NSUN2: variants seen among roughly 807,000 people sequenced by gnomAD.
NSUN2 encodes RNA cytosine C(5)-methyltransferase NSUN2.
Under a neutral mutation model 92.7 loss-of-function variants are expected in NSUN2, and 63 were observed. The observed-to-expected ratio is 0.68, with a 90% CI of 0.56 to 0.84. The LOEUF is 0.84. NSUN2 is among the 40% of genes least tolerant of loss of function. NSUN2 has a pLI of 0.00. For synonymous variants in NSUN2, 356 were observed against 348.3 expected, an observed-to-expected ratio of 1.02 and a Z score of -0.25; for missense variants, 989 against 964.9, an observed-to-expected ratio of 1.02 and a Z score of -0.33.
chr5:6,616,484 G>A (rs950981805), intron 9 of NSUN2, among the ~76,000 whole-genome samples: 1 of 152,178 alleles, frequency 6.6e-6, no homozygotes, highest in African/African-American at 2.4e-5. Context: ...GAACGGTGGT[G>A]TGAGGGGCAG....
At chr5:6,603,958 T>G in intron 17 of NSUN2, 180 bp downstream of exon 17, 1 of 589,548 alleles carries the variant, frequency 1.7e-6, no homozygotes, top group Non-Finnish European at 2.9e-6. Flanking sequence ...CAAGATGCCT[T>G]TGACCCTTAG....
intron 15 of NSUN2, 73 bp downstream of exon 15, chr5:6,605,200 T>G: frequency 4.2e-5 from 66 of 1,581,520 alleles, no homozygotes; most frequent in Non-Finnish European, 5.2e-5. Flanking sequence ...CTGCTCCAAA[T>G]GAAATCTAAG....
At chr5:6,621,024 A>G (rs945020196) in intron 6 of NSUN2, 8 of 152,232 alleles carry the variant, frequency 5.3e-5, no homozygotes, top group Admixed American at 1.3e-4. Flanking sequence ...CAATGTAAAA[A>G]AGAGGATTTC....
chr5:6,613,517 T>A (rs920211158), intron 9 of NSUN2, among the ~76,000 whole-genome samples: 3 of 152,150 alleles, frequency 2.0e-5, no homozygotes, highest in Non-Finnish European at 4.4e-5. Flanking sequence ...CTAAAATGAT[T>A]CCAAAATTTG....
At chr5:6,626,555 G>C (rs1737665221) in intron 3 of NSUN2, among the ~76,000 whole-genome samples, 1 of 152,074 alleles carries the variant, frequency 6.6e-6, no homozygotes, top group Non-Finnish European at 1.5e-5. Flanking sequence ...TGCCGTGTTG[G>C]CCAGCTTGGT....
chr5:6,603,837 T>A, intron 17 of NSUN2: 1 of 275,112 alleles, frequency 3.6e-6, no homozygotes, highest in Non-Finnish European at 6.8e-6. Flanking sequence ...CTCCCCGGAC[T>A]CTCTGGCCCA....
Position 6,600,020 on chromosome 5 carries a change from C to G in NSUN2, c.2210G>C (p.Arg737Thr), listed in dbSNP as rs201189285. The G allele has an allele frequency of 1.2e-4, 186 of 1,614,270 alleles. No homozygotes were observed. Among genetic ancestry groups the G allele is most frequent in the Non-Finnish European group, 1.5e-4 (177 of 1,180,036 alleles). ...ATCTGGGCTGTTGGGCTCTCCTGCT[C>G]TCTGTCCCTCAGTCACGTCATTGTC... is the stretch of plus-strand genomic sequence containing the variant. The part of the protein sequence containing the change: ...QPDNDVTEGQ[R>T]AGEPNSPDAE... Residue 737 changes from arginine to threonine, a missense_variant, in exon 19 of 19, where the codon AGA (arginine) becomes ACA (threonine). By Grantham distance (71) the Arg-to-Thr change is moderately conservative (BLOSUM62 -1). Transcript: ENST00000264670.
At chr5:6,603,104 C>G (rs184449142) in intron 17 of NSUN2, among the ~76,000 whole-genome samples, 163 of 152,104 alleles carry the variant, frequency 1.1e-3, no homozygotes, top group African/African-American at 3.8e-3. Flanking sequence ...TACTTTTGAT[C>G]AAATTGAGCC....
intron 14 of NSUN2, among the ~76,000 whole-genome samples, chr5:6,605,796 G>A (rs1254896196): frequency 2.0e-5 from 3 of 151,378 alleles, no homozygotes; most frequent in African/African-American, 7.3e-5. Context: ...CTCCCGGGTT[G>A]AAGCGGTTCT....
At chr5:6,617,875 T>A (rs907780976) in intron 8 of NSUN2, 75 bp downstream of exon 8, 2 of 1,118,682 alleles carry the variant, frequency 1.8e-6, no homozygotes, top group South Asian at 1.4e-5. Context: ...AAAGATCGGA[T>A]GCTCACTTGC....
chr5:6,618,636 A>T (rs1737313928), intron 7 of NSUN2, among the ~76,000 whole-genome samples: 2 of 152,216 alleles, frequency 1.3e-5, no homozygotes, highest in Non-Finnish European at 2.9e-5. Flanking sequence ...CAATTAAGCT[A>T]ATATAATAGC....
intron 12 of NSUN2, among the ~76,000 whole-genome samples, chr5:6,608,647 G>A (rs1736875156): frequency 6.6e-6 from 1 of 152,220 alleles, no homozygotes; most frequent in Non-Finnish European, 1.5e-5. Flanking sequence ...ACCTTTCTAT[G>A]TAAGTATTAA....
intron 9 of NSUN2, among the ~76,000 whole-genome samples, 165 bp from the exon 10 acceptor site, chr5:6,611,963 G>A (rs1222439811): frequency 2.0e-5 from 3 of 152,210 alleles, no homozygotes; most frequent in African/African-American, 4.8e-5. Flanking sequence ...GGCCGACGGG[G>A]TGGATGAGTG....
intron 1 of NSUN2, 22 bp downstream of exon 1, chr5:6,632,862 C>T: frequency 6.5e-7 from 1 of 1,536,560 alleles, no homozygotes; most frequent in African/African-American, 1.4e-5. Context: ...CCCTGGCCCG[C>T]CCGCCGGGTC....
At chr5:6,615,366 A>C (rs944935846) in intron 9 of NSUN2, among the ~76,000 whole-genome samples, 2 of 152,160 alleles carry the variant, frequency 1.3e-5, no homozygotes, top group African/African-American at 4.8e-5. Context: ...TGAACACAAA[A>C]ATCTGAGCAG....
intron 12 of NSUN2, 99 bp downstream of exon 12, chr5:6,609,727 A>C (rs748495518): frequency 1.1e-6 from 1 of 876,814 alleles, no homozygotes; most frequent in Non-Finnish European, 1.8e-6. Context: ...CACAGCAAGA[A>C]GCTCCTCTTT....
intron 13 of NSUN2, 36 bp downstream of exon 13, chr5:6,607,164 C>G (rs780905313): frequency 6.2e-7 from 1 of 1,600,440 alleles, no homozygotes; most frequent in Non-Finnish European, 8.6e-7. Flanking sequence ...GTGAAGACAC[C>G]AGCGTATTAG....
rs773077009 is a variant in NSUN2, at chr5:6,620,316, C to A, written c.623-18G>T. On this transcript the variant is annotated intron_variant, in intron 6 of 18. Coordinates refer to ENST00000264670, the MANE Select transcript of NSUN2 (RefSeq NM_017755.6). ...AAATCCCTCTGAAGGCACAGAATTG[C>A]AGTGTCAGGTGAAATGGAGCCTAAG... 2.0e-6 allele frequency: 3 copies of A among 1,530,850 alleles called. No homozygotes were observed. Among genetic ancestry groups the A allele is most frequent in the South Asian group, 1.2e-5 (1 of 80,460 alleles). 94.8% of individuals were successfully genotyped at this position (1,530,850 alleles called of 1,614,324 possible). A position where few individuals can be genotyped will look rare whatever the true frequency, so the allele number is the denominator to read the frequency against.
rs138716662 is a variant in NSUN2, at chr5:6,632,631, G to A, written c.222C>T (p.Leu74=). The change falls in exon 2 of 19, where the codon CTC becomes CTT. Residue 74 remains leucine, a synonymous_variant. Transcript: ENST00000264670. The part of the protein sequence containing the change: ...GQFMDALREP[L]PATLRITGYK... ...AACCAGTAATTCTTAAAGTGGCCGG[G>A]AGCGGCTCCCTGAGAGCGTCCATGA... The A allele has an allele frequency of 2.5e-3, 3,974 of 1,614,184 alleles. 9 individuals carry two copies. The highest frequency in any genetic ancestry group is 3.0e-3 in the Non-Finnish European group (3,587 of 1,180,040).
Sources: gnomAD v4.1 joint callset for allele counts (sites outside exome capture counted in the v4.1 genomes callset) on GRCh38, gnomAD v4.1.1 for gene constraint, MANE v1.5 for transcripts, NCBI Gene and HGNC (gene_info 2026-07-23, HGNC 2026-07-21) for gene names.